PDE4D: variants seen among roughly 807,000 people sequenced by gnomAD.
PDE4D encodes phosphodiesterase 4D, also known as 3',5'-cyclic-AMP phosphodiesterase 4D.
In PDE4D, 24 loss-of-function variants were observed where a neutral mutation model predicts 87.4. The ratio of observed to expected loss-of-function variants is 0.27; its 90% confidence interval spans 0.20 to 0.39. The LOEUF (loss-of-function observed/expected upper bound fraction) is 0.39, where lower values mean the gene tolerates loss of function less well. Ranked by LOEUF, PDE4D falls within the 10% of genes least tolerant of loss-of-function variation. The pLI, the probability that PDE4D is intolerant of heterozygous loss-of-function variation, is 1.00. For missense variants in PDE4D, 714 were observed against 1,041.0 expected (o/e 0.69, Z 4.32); for synonymous variants, 384 against 383.2 (o/e 1.00, Z -0.02).
intron 1 of PDE4D, among the ~76,000 whole-genome samples, chr5:59,837,634 A>T (rs959115823): frequency 6.6e-6 from 1 of 152,100 alleles, no homozygotes; most frequent in Non-Finnish European, 1.5e-5. Flanking sequence ...CTTTCAATCA[A>T]CACCAAGACA....
chr5:59,507,790 T>A (rs1809556886), intron 1 of PDE4D, among the ~76,000 whole-genome samples: 2 of 151,978 alleles, frequency 1.3e-5, no homozygotes, highest in South Asian at 4.2e-4. Context: ...GAATATTATC[T>A]TAGAAATCAC....
intron 1 of PDE4D, among the ~76,000 whole-genome samples, chr5:59,647,062 C>T (rs756013820): frequency 1.3e-5 from 2 of 152,024 alleles, no homozygotes; most frequent in African/African-American, 2.4e-5. Context: ...AATTTGTAGA[C>T]AACATATTTA....
chr5:59,771,568 G>A (rs1269770576), intron 1 of PDE4D, among the ~76,000 whole-genome samples: 1 of 110,760 alleles, frequency 9.0e-6, no homozygotes, highest in Non-Finnish European at 2.0e-5. Flanking sequence ...AGAATGATAT[G>A]GGCAATAATA....
Position 59,452,587 on chromosome 5 carries a change from G to A in PDE4D, c.456-236619C>T, listed in dbSNP as rs545581317. 5.3e-5 allele frequency among the ~76,000 whole-genome samples: 8 copies of A among 152,294 alleles called. No homozygotes were observed. In the East Asian group the frequency reaches 1.5e-3, roughly 29 times the overall value. ...CCTGAGGTGCTGCCTCAGGTAGAGAGAGTAAAACACTCTGGCTTCTCTCTT... is the reference window on the plus strand; with the variant it reads ...CCTGAGGTGCTGCCTCAGGTAGAGAAAGTAAAACACTCTGGCTTCTCTCTT... On this transcript the variant is annotated intron_variant, in intron 1 of 14. Transcript: ENST00000340635.
rs574115819 is a variant in PDE4D at position 59,505,266 on chromosome 5, T to G, written c.456-289298A>C. 1.8e-3 allele frequency among the ~76,000 whole-genome samples: 270 copies of G among 152,290 alleles called. 2 individuals are homozygous for G. The highest frequency in any genetic ancestry group is 6.3e-3 in the African/African-American group (261 of 41,572). On this transcript the variant is annotated intron_variant, in intron 1 of 14. Coordinates refer to ENST00000340635, the MANE Select transcript of PDE4D (RefSeq NM_001104631.2). The stretch of plus-strand genomic sequence containing the variant: ...TATTATTAGCAGAAGTTGAAAACAT[T>G]CACCTGCCTAATTCTGAGTTGGCTC...
In PDE4D at chr5:59,893,363, G is replaced by A. The variant is rs1751255319; in HGVS notation, c.260C>T (p.Pro87Leu). 3 of 1,237,422 alleles carry A rather than the reference G, an allele frequency of 2.4e-6. No homozygotes were observed. The highest frequency in any genetic ancestry group is 3.7e-5 in the South Asian group (1 of 26,850). The allele number at this position is 1,237,422 out of a possible 1,614,324, so 76.7% of individuals were successfully genotyped here. Reference protein sequence around the residue: ...PPPPLPPPPPPPGAARGRYAS... With the variant: ...PPPPLPPPPPLPGAARGRYAS... The stretch of plus-strand genomic sequence containing the variant: ...GTAGCGGCCGCGGGCAGCCCCGGGC[G>A]GCGGCGGGGGCGGCGGCAGGGGGGG... Residue 87 changes from proline (P) to leucine (L), a missense_variant, in exon 1 of 15, where the codon CCG (proline) becomes CTG (leucine). Physicochemically the swap from Pro to Leu is moderately conservative, Grantham distance 98 (BLOSUM62 -3). Around this residue, in one of 7 missense-constraint regions of PDE4D, gnomAD observed 268 missense variants for 272.9 expected, o/e 0.98. Coordinates refer to ENST00000340635, the MANE Select transcript of PDE4D (RefSeq NM_001104631.2).
At chr5:59,941,571 T>C (rs1757184740) in intron 3 of PDE4D, among the ~76,000 whole-genome samples, 1 of 152,208 alleles carries the variant, frequency 6.6e-6, no homozygotes, top group Non-Finnish European at 1.5e-5. Flanking sequence ...AATGAAGCCA[T>C]GCCCTTTGGG....
intron 1 of PDE4D, among the ~76,000 whole-genome samples, chr5:60,503,971 G>C (rs1398184946): frequency 1.3e-5 from 2 of 152,290 alleles, no homozygotes; most frequent in East Asian, 1.9e-4. Flanking sequence ...GGGGACAGCT[G>C]TAAGATATAC....
intron 1 of PDE4D, among the ~76,000 whole-genome samples, chr5:59,434,464 T>G (rs1796526786): frequency 6.6e-6 from 1 of 151,970 alleles, no homozygotes; most frequent in Admixed American, 6.6e-5. Context: ...CCCACAAAAA[T>G]TGGGGTTTGC....
chr5:59,977,965 G>A (rs887865669), intron 3 of PDE4D, among the ~76,000 whole-genome samples: 3 of 152,090 alleles, frequency 2.0e-5, no homozygotes, highest in Admixed American at 2.0e-4. Context: ...TTTACAGCAT[G>A]GTTTACTAAA....
At chr5:59,226,947 T>C (rs1195076985) in intron 1 of PDE4D, among the ~76,000 whole-genome samples, 5 of 152,192 alleles carry the variant, frequency 3.3e-5, no homozygotes, top group Non-Finnish European at 7.3e-5. Flanking sequence ...TAGAGATTTA[T>C]TTCTTCCCTT....
At chr5:60,159,818 G>T (rs114762947) in intron 2 of PDE4D, among the ~76,000 whole-genome samples, 28 of 152,300 alleles carry the variant, frequency 1.8e-4, no homozygotes, top group African/African-American at 6.7e-4. Flanking sequence ...GGAATGAGAT[G>T]TCAGGAGAAT....
chr5:60,216,769 C>A (rs1743896120), intron 1 of PDE4D, among the ~76,000 whole-genome samples: 1 of 151,890 alleles, frequency 6.6e-6, no homozygotes, highest in Non-Finnish European at 1.5e-5. Context: ...TTTATGCCAC[C>A]AATAGGACAA....
At chr5:58,997,712 C>G (rs1344092014) in intron 6 of PDE4D, among the ~76,000 whole-genome samples, 1 of 151,830 alleles carries the variant, frequency 6.6e-6, no homozygotes, top group African/African-American at 2.4e-5. Flanking sequence ...CTTTTGAATC[C>G]TTTGTTCTCA....
chr5:59,914,866 G>GGGGTGT (rs1342565323), intron 3 of PDE4D, among the ~76,000 whole-genome samples: 91 of 122,620 alleles, frequency 7.4e-4, no homozygotes, highest in Middle Eastern at 4.9e-3. Flanking sequence ...TACTGATAGG[G>GGGGTGT]GTGTGTGTGT....
chr5:59,771,485 G>GAAAA (rs56311484), intron 1 of PDE4D, among the ~76,000 whole-genome samples: 1 of 70,622 alleles, frequency 1.4e-5, no homozygotes, highest in Admixed American at 1.7e-4. Flanking sequence ...AAGAAAGAAA[G>GAAAA]AGAGAGAGAG....
chr5:59,880,854 G>T (rs1463442441), intron 1 of PDE4D, among the ~76,000 whole-genome samples: 13 of 152,096 alleles, frequency 8.5e-5, no homozygotes, highest in African/African-American at 3.1e-4. Flanking sequence ...TTGCTATAGT[G>T]AGATTATTGA....
chr5:60,388,685 C>T (rs981682827), intron 1 of PDE4D, among the ~76,000 whole-genome samples: 4 of 152,044 alleles, frequency 2.6e-5, no homozygotes, highest in South Asian at 4.1e-4. Flanking sequence ...GTATTTTGAC[C>T]GACAATCAGA....
At chr5:59,404,623 C>T (rs1282399614) in intron 1 of PDE4D, among the ~76,000 whole-genome samples, 3 of 147,422 alleles carry the variant, frequency 2.0e-5, no homozygotes, top group East Asian at 2.0e-4. Flanking sequence ...CACACCACTG[C>T]ACTTCAGCCT....
Sources: allele counts gnomAD v4.1 joint callset (sites outside exome capture counted in the v4.1 genomes callset), GRCh38; gene constraint gnomAD v4.1.1; regional missense constraint gnomAD v4.1.1; transcripts MANE v1.5; gene names NCBI Gene and HGNC (gene_info 2026-07-23, HGNC 2026-07-21).